The following DTHD1 variants were observed in gnomAD, a reference collection of about 807,000 sequenced individuals.
DTHD1 encodes the protein death domain-containing protein 1.
In DTHD1, 59 loss-of-function variants were observed where a neutral mutation model predicts 74.8. The ratio of observed to expected loss-of-function variants is 0.79; its 90% CI spans 0.64 to 0.98. DTHD1 has a LOEUF of 0.98. Among genes scored for constraint, DTHD1 ranks in the 50% least tolerant of loss-of-function variants. DTHD1 has a pLI of 0.00. For missense variants in DTHD1, 1,051 were observed against 1,065.4 expected (o/e 0.99, Z 0.19); for synonymous variants, 365 against 371.1 (o/e 0.98, Z 0.19).
chr4:36,297,611 G>A (rs73117675), intron 5 of DTHD1, among the ~76,000 whole-genome samples: 227 of 152,242 alleles, frequency 1.5e-3, no homozygotes, highest in African/African-American at 5.0e-3. Flanking sequence ...AATAACCAGA[G>A]AGTGTTATGC....
At position 36,284,367 on chromosome 4, in the gene DTHD1, TAAAC is replaced by T. The variant is rs1453750970; in HGVS notation, c.667_670del (p.Gln223Ter). On this transcript the variant is annotated frameshift_variant, in exon 2 of 10. Transcript: ENST00000639862. LOFTEE classifies it high-confidence loss of function. Reference sequence around the variant, plus strand: ...CAGATAATGCAGAAAATGAAGATGATAAACAAATAGAACACATGACTGTTGAGAA... The same window carrying T: ...CAGATAATGCAGAAAATGAAGATGATAAATAGAACACATGACTGTTGAGAA... 51 of 1,536,948 alleles carry T rather than the reference TAAAC, an allele frequency of 3.3e-5. No individual in the cohort carries two copies. The highest frequency in any genetic ancestry group is 4.1e-5 in the Non-Finnish European group (47 of 1,146,844).
At chr4:36,330,993 A>T (rs1020625371) in intron 8 of DTHD1, among the ~76,000 whole-genome samples, 3 of 152,042 alleles carry the variant, frequency 2.0e-5, no homozygotes, top group African/African-American at 7.2e-5. Flanking sequence ...ATTAAGCAAA[A>T]CTTGAGGTCA....
chr4:36,330,429 T>G (rs923323186), intron 8 of DTHD1, among the ~76,000 whole-genome samples: 8 of 152,182 alleles, frequency 5.3e-5, no homozygotes, highest in Admixed American at 5.2e-4. Flanking sequence ...TTTATCTTTC[T>G]AAATTTGTTT....
Position 36,284,024 on chromosome 4 carries a change from G to A in DTHD1, c.320G>A (p.Gly107Glu). The A allele has an allele frequency of 6.5e-7, 1 of 1,537,046 alleles. No individual in the cohort carries two copies. Residue 107 changes from glycine to glutamate, a missense_variant, in exon 2 of 10, where the codon GGG (glycine) becomes GAG (glutamate). Coordinates refer to ENST00000639862, the MANE Select transcript of DTHD1 (RefSeq NM_001170700.3). ...DCLIKITEHL[G>E]STAALLKKEE... ...CTCATAAAAATAACTGAACATTTGG[G>A]GAGCACTGCTGCACTTCTAAAGAAA... is the stretch of plus-strand genomic sequence containing the variant.
At chr4:36,325,639 G>A (rs2109543449) in intron 8 of DTHD1, among the ~76,000 whole-genome samples, 1 of 152,328 alleles carries the variant, frequency 6.6e-6, no homozygotes, top group Non-Finnish European at 1.5e-5. Context: ...CTTGGTGATA[G>A]AGTGAATGTG....
rs1759598311 is a variant in DTHD1, at chr4:36,346,564, A to C, written c.*2740A>C. ...ATCAATCCCATGTGTAATCTGTGCC[A>C]CTTGGATTGAGACCTGCCCCTGAAC... is the stretch of plus-strand genomic sequence containing the variant. On this transcript the variant is annotated 3_prime_UTR_variant, in exon 10 of 10. Coordinates refer to ENST00000639862, the MANE Select transcript of DTHD1 (RefSeq NM_001170700.3). Among the ~76,000 whole-genome samples the C allele has an allele frequency of 6.6e-6, 1 of 152,038 alleles. No individual in the cohort carries two copies. The highest frequency in any genetic ancestry group is 6.6e-5 in the Admixed American group (1 of 15,238).
chr4:36,316,583 A>C (rs530434633), intron 8 of DTHD1, 97 bp downstream of exon 8: 2 of 1,217,386 alleles, frequency 1.6e-6, no homozygotes, highest in African/African-American at 3.1e-5. Context: ...ATACAGTTAA[A>C]AGAAAAGGTA....
Position 36,343,847 on chromosome 4 carries a change from C to T in DTHD1, c.*23C>T. 3 of 1,513,696 alleles carry T rather than the reference C, an allele frequency of 2.0e-6. No homozygotes were observed. Among genetic ancestry groups the T allele is most frequent in the Admixed American group, 2.2e-5 (1 of 46,314 alleles). The allele number at this position is 1,513,696 out of a possible 1,614,324, so 93.8% of individuals were successfully genotyped here. On this transcript the variant is annotated 3_prime_UTR_variant, in exon 10 of 10. Coordinates refer to ENST00000639862, the MANE Select transcript of DTHD1 (RefSeq NM_001170700.3). ...TAAAAGCCTGATCTCTCTTCCTTTA[C>T]CCCTAGGAAAAGGCACACGGTGGGT...
chr4:36,334,807 A>T (rs779916355), intron 8 of DTHD1, among the ~76,000 whole-genome samples: 1 of 152,234 alleles, frequency 6.6e-6, no homozygotes, highest in Non-Finnish European at 1.5e-5. Context: ...TGGATACATA[A>T]AAACCTTGCT....
intron 6 of DTHD1, among the ~76,000 whole-genome samples, chr4:36,306,972 A>T (rs1229384486): frequency 6.6e-6 from 1 of 152,246 alleles, no homozygotes; most frequent in African/African-American, 2.4e-5. Context: ...AAGGAGGAAG[A>T]TGGAAAAAAC....
chr4:36,312,807 A>G (rs1002457192), intron 7 of DTHD1, among the ~76,000 whole-genome samples: 1 of 152,240 alleles, frequency 6.6e-6, no homozygotes, highest in South Asian at 2.1e-4. Flanking sequence ...GCCATTGGAA[A>G]GACTGCCTTT....
chr4:36,320,832 T>G (rs1342701810), intron 8 of DTHD1, among the ~76,000 whole-genome samples: 1 of 152,240 alleles, frequency 6.6e-6, no homozygotes, highest in East Asian at 1.9e-4. Flanking sequence ...AGCTTGGCAT[T>G]AATGAACATG....
At chr4:36,308,061 T>C (rs1757159723) in intron 6 of DTHD1, 143 bp from the exon 7 acceptor site, 2 of 862,164 alleles carry the variant, frequency 2.3e-6, no homozygotes, top group Non-Finnish European at 3.5e-6. Flanking sequence ...CAATCATTAA[T>C]GAATCTCACC....
intron 4 of DTHD1, among the ~76,000 whole-genome samples, 199 bp from the exon 5 acceptor site, chr4:36,294,596 T>C (rs1174401035): frequency 2.0e-5 from 3 of 151,954 alleles, no homozygotes. Flanking sequence ...CAGAAGGACT[T>C]TGTAAAAAGG....
intron 8 of DTHD1, among the ~76,000 whole-genome samples, chr4:36,335,758 C>T (rs764163137): frequency 6.6e-6 from 1 of 152,176 alleles, no homozygotes; most frequent in Non-Finnish European, 1.5e-5. Context: ...GTAACCAAGT[C>T]CAGTTTGTTG....
At chr4:36,288,281 A>T (rs1329687069) in intron 2 of DTHD1, among the ~76,000 whole-genome samples, 6 of 152,136 alleles carry the variant, frequency 3.9e-5, no homozygotes, top group African/African-American at 9.7e-5. Flanking sequence ...CATCTTTAGT[A>T]GAGACAGGAT....
rs960969336 is a variant in DTHD1, at chr4:36,300,652, T to TATTC, written c.1644-5536_1644-5535insCATT. Among the ~76,000 whole-genome samples, 12 of 152,360 alleles carry TATTC rather than the reference T, an allele frequency of 7.9e-5. No individual in the cohort carries two copies. The East Asian group carries it at 1.7e-3, about 22-fold the overall frequency. On this transcript the variant is annotated intron_variant, in intron 5 of 9. Coordinates refer to ENST00000639862, the MANE Select transcript of DTHD1 (RefSeq NM_001170700.3). ...ACACTAAAGATTATTCTAAATTTGT[T>TATTC]ATTTATAATTCTGGAATTTGTGTAT...
chr4:36,302,279 G>A (rs985813463), intron 5 of DTHD1, among the ~76,000 whole-genome samples: 1 of 152,176 alleles, frequency 6.6e-6, no homozygotes, highest in African/African-American at 2.4e-5. Context: ...AAGAGAATGG[G>A]ACCATACATG....
chr4:36,324,454 T>C (rs1758223512), intron 8 of DTHD1, among the ~76,000 whole-genome samples: 1 of 152,236 alleles, frequency 6.6e-6, no homozygotes, highest in Admixed American at 6.5e-5. Flanking sequence ...TAAAATTTCA[T>C]TGATGTGTTT....
Sources: allele counts gnomAD v4.1 joint callset (sites outside exome capture counted in the v4.1 genomes callset), GRCh38; gene constraint gnomAD v4.1.1; transcripts MANE v1.5; gene names NCBI Gene and HGNC (gene_info 2026-07-23, HGNC 2026-07-21).